The following DYNC2I1 variants were observed in gnomAD, a reference collection of about 807,000 sequenced individuals.
The protein encoded by DYNC2I1 is cytoplasmic dynein 2 intermediate chain 1.
Under a neutral mutation model 133.4 loss-of-function variants are expected in DYNC2I1, and 89 were observed. The ratio of observed to expected loss-of-function variants is 0.67; its 90% CI spans 0.56 to 0.80. The LOEUF (loss-of-function observed/expected upper bound fraction) is 0.80, where lower values mean the gene tolerates loss of function less well. Ranked by LOEUF, DYNC2I1 falls within the 30% of genes least tolerant of loss-of-function variation. DYNC2I1 has a pLI of 0.00. For synonymous variants in DYNC2I1, 504 were observed against 484.3 expected (o/e 1.04, Z -0.54); for missense variants, 1,291 against 1,314.5 (o/e 0.98, Z 0.28).
At chr7:158,858,131 T>A (rs1841488597) in intron 1 of DYNC2I1, among the ~76,000 whole-genome samples, 2 of 152,152 alleles carry the variant, frequency 1.3e-5, no homozygotes, top group South Asian at 2.1e-4. Context: ...TAGTTAAGAT[T>A]AAGAAGCTAC....
intron 1 of DYNC2I1, chr7:158,869,491 G>C (rs842695): frequency 2.1e-6 from 1 of 474,346 alleles, no homozygotes; most frequent in Admixed American, 2.3e-5. Flanking sequence ...CATTTGGGAC[G>C]TGAGTCTGTT....
chr7:158,955,022 G>A (rs116423013), intron 4 of DYNC2I1, among the ~76,000 whole-genome samples: 218 of 152,234 alleles, frequency 1.4e-3, no homozygotes, highest in African/African-American at 4.6e-3. Context: ...CTCCTTCACT[G>A]TTGGGTATTT....
chr7:158,850,157 C>G, the DYNC2I1 span, among the ~76,000 whole-genome samples: 2 of 152,190 alleles, frequency 1.3e-5, no homozygotes, highest in African/African-American at 4.8e-5. Context: ...CCTGAAGGTG[C>G]AGGCTACAGA....
chr7:158,928,835 C>G (rs62476513), intron 20 of DYNC2I1, among the ~76,000 whole-genome samples: 3,331 of 152,238 alleles, frequency 0.022, 59 homozygotes, highest in Admixed American at 0.052. Flanking sequence ...ATGCCCAGAA[C>G]TCTTGTGACC....
intron 10 of DYNC2I1, chr7:158,902,841 C>T: frequency 2.1e-6 from 1 of 479,352 alleles, no homozygotes; most frequent in Non-Finnish European, 3.7e-6. Context: ...GCACCCAGGC[C>T]TTAGGTTAGC....
chr7:158,916,898 C>T (rs1482972974), intron 14 of DYNC2I1, among the ~76,000 whole-genome samples: 2 of 84,164 alleles, frequency 2.4e-5, no homozygotes, highest in African/African-American at 8.1e-5. Flanking sequence ...TGTGAAACCT[C>T]GACACGGTGG....
intron 20 of DYNC2I1, among the ~76,000 whole-genome samples, chr7:158,928,075 C>G (rs1394395961): frequency 6.6e-6 from 1 of 152,206 alleles, no homozygotes. Context: ...CCCGAGGGCC[C>G]TTAGACTGGA....
In DYNC2I1 at chr7:158,916,173, C is replaced by T. The variant is rs1362174074; in HGVS notation, c.1791+1852C>T. Reference sequence around the variant, plus strand: ...GTTGACATTAAGGATGATTGTGAAACGTCGACACGCTGGTTGACATTAAGG... The same window carrying T: ...GTTGACATTAAGGATGATTGTGAAATGTCGACACGCTGGTTGACATTAAGG... On this transcript the variant is annotated intron_variant, in intron 14 of 24. Coordinates refer to ENST00000407559, the MANE Select transcript of DYNC2I1 (RefSeq NM_018051.5). Among the ~76,000 whole-genome samples, 22 of 81,974 alleles carry T rather than the reference C, an allele frequency of 2.7e-4. 3 individuals carry two copies. The highest frequency in any genetic ancestry group is 8.1e-4 in the African/African-American group (21 of 25,810). The allele number at this position is 81,974 out of a possible 152,430, so 53.8% of individuals were successfully genotyped here.
At chr7:158,848,080 C>T in the DYNC2I1 span, among the ~76,000 whole-genome samples, 5 of 152,122 alleles carry the variant, frequency 3.3e-5, no homozygotes, top group Non-Finnish European at 7.3e-5. Context: ...GATGTAGGAC[C>T]CACAGCTCAC....
chr7:158,879,610 C>A (rs931902953), intron 4 of DYNC2I1, 74 bp from the exon 5 acceptor site: 12 of 1,461,530 alleles, frequency 8.2e-6, no homozygotes, highest in Middle Eastern at 2.3e-4. Context: ...CGTTGCAGAA[C>A]CCACAGAGAG....
intron 9 of DYNC2I1, among the ~76,000 whole-genome samples, chr7:158,902,051 G>A (rs1585091258): frequency 6.6e-6 from 1 of 152,108 alleles, no homozygotes; most frequent in African/African-American, 2.4e-5. Flanking sequence ...TTTAAGTGCA[G>A]TGCATAAAAA....
At chr7:158,918,673 A>G (rs1848721246) in intron 14 of DYNC2I1, 67 bp from the exon 15 acceptor site, 4 of 1,552,964 alleles carry the variant, frequency 2.6e-6, no homozygotes, top group Non-Finnish European at 2.6e-6. Context: ...TGAAAAGGTA[A>G]TTTTTTTTTG....
chr7:158,916,136 G>A (rs201854212), intron 14 of DYNC2I1, among the ~76,000 whole-genome samples: 3 of 73,056 alleles, frequency 4.1e-5, no homozygotes, highest in East Asian at 6.2e-4. Flanking sequence ...ATTGTGAAAC[G>A]TCGACATGGT....
upstream of DYNC2I1, among the ~76,000 whole-genome samples, chr7:158,853,901 C>T (rs921996818): frequency 2.0e-5 from 3 of 152,144 alleles, no homozygotes; most frequent in African/African-American, 7.2e-5. Context: ...GATCTGCCTG[C>T]CTCAGCCTCC....
intron 23 of DYNC2I1, among the ~76,000 whole-genome samples, chr7:158,937,710 G>C (rs928875851): frequency 5.9e-5 from 9 of 151,492 alleles, no homozygotes; most frequent in African/African-American, 2.2e-4. Flanking sequence ...GATCTCTTGA[G>C]CCAGCTTGAG....
rs866385885 is a variant in DYNC2I1 at position 158,902,466 on chromosome 7, C to A, written c.1228C>A (p.Leu410Ile). The A allele has an allele frequency of 1.2e-6, 2 of 1,613,824 alleles. No homozygotes were observed. Among genetic ancestry groups the A allele is most frequent in the Middle Eastern group, 3.3e-4 (2 of 6,060 alleles). ...ESREKLEELP[L>I]AQKKEIQEIQ... ...AAGAGAAAAACTGGAAGAACTTCCT[C>A]TAGCTCAAAAAAAGGAAATACAAGA... The change falls in exon 10 of 25, where the codon CTA (leucine) becomes ATA (isoleucine). Residue 410 changes from leucine to isoleucine, a missense_variant. Leu to Ile is a conservative substitution (Grantham distance 5). Transcript: ENST00000407559.
intron 8 of DYNC2I1, among the ~76,000 whole-genome samples, chr7:158,898,995 A>G (rs959420472): frequency 6.6e-6 from 1 of 152,184 alleles, no homozygotes; most frequent in Non-Finnish European, 1.5e-5. Flanking sequence ...ACTTGTGTAT[A>G]AGCAGACATA....
At chr7:158,859,284 A>G (rs1272057346) in intron 1 of DYNC2I1, among the ~76,000 whole-genome samples, 1 of 151,960 alleles carries the variant, frequency 6.6e-6, no homozygotes, top group Non-Finnish European at 1.5e-5. Context: ...GAGCAAAATA[A>G]TTTCCCAGAA....
intron 1 of DYNC2I1, among the ~76,000 whole-genome samples, chr7:158,867,732 G>C (rs1842533235): frequency 6.6e-6 from 1 of 152,110 alleles, no homozygotes; most frequent in Non-Finnish European, 1.5e-5. Flanking sequence ...GTGGGCTGGT[G>C]CCGGCCTCTC....
Sources: allele counts gnomAD v4.1 joint callset (sites outside exome capture counted in the v4.1 genomes callset), GRCh38; gene constraint gnomAD v4.1.1; transcripts MANE v1.5; gene names NCBI Gene and HGNC (gene_info 2026-07-23, HGNC 2026-07-21).